Variants in SMARCAD1 observed in about 807,000 individuals in gnomAD.
SMARCAD1 encodes SWI/SNF-related matrix-associated actin-dependent regulator of chromatin subfamily A containing DEAD/H box 1.
Under a neutral mutation model 127.1 loss-of-function variants are expected in SMARCAD1, and 25 were observed. That is an observed-to-expected ratio of 0.20 (90% CI 0.14 to 0.27). The LOEUF (loss-of-function observed/expected upper bound fraction) is 0.27. Among genes scored for constraint, SMARCAD1 ranks in the 10% least tolerant of loss-of-function variants. The probability of loss-of-function intolerance (pLI) is 1.00; values close to 1 mark genes in which losing one functional copy is unlikely to be tolerated. For synonymous variants in SMARCAD1, 400 were observed against 396.9 expected (o/e 1.01, Z -0.09); for missense variants, 807 against 1,206.0 (o/e 0.67, Z 4.90).
intron 3 of SMARCAD1, 101 bp downstream of exon 3, chr4:94,226,397 T>TC: frequency 2.7e-6 from 2 of 738,682 alleles, no homozygotes; most frequent in Non-Finnish European, 4.0e-6. Context: ...CCTTTTTTTT[T>TC]TTTTCTTTTT....
intron 9 of SMARCAD1, among the ~76,000 whole-genome samples, chr4:94,262,903 AAAAAG>A (rs1751218971): frequency 1.0e-5 from 1 of 95,802 alleles, no homozygotes; most frequent in African/African-American, 4.1e-5. Context: ...AAAAAAAAAA[AAAAAG>A]AAAGAAAAGA....
intron 9 of SMARCAD1, among the ~76,000 whole-genome samples, chr4:94,261,903 A>G (rs1448886447): frequency 6.6e-6 from 1 of 151,922 alleles, no homozygotes; most frequent in Admixed American, 6.6e-5. Flanking sequence ...AGCCACCACA[A>G]CCGGCCAGTT....
chr4:94,226,377 T>C, intron 3 of SMARCAD1, 81 bp downstream of exon 3: 7 of 1,198,136 alleles, frequency 5.8e-6, no homozygotes, highest in Non-Finnish European at 8.3e-6. Context: ...TGAGATATTT[T>C]GGTGACTTCC....
At chr4:94,250,540 G>T (rs1483365555) in intron 7 of SMARCAD1, among the ~76,000 whole-genome samples, 1 of 152,088 alleles carries the variant, frequency 6.6e-6, no homozygotes, top group Non-Finnish European at 1.5e-5. Context: ...GCAAAAAAAT[G>T]TCAAGTTTTC....
chr4:94,270,402 A>G (rs1019332423), intron 10 of SMARCAD1, among the ~76,000 whole-genome samples: 152 of 152,248 alleles, frequency 1.0e-3, no homozygotes, highest in African/African-American at 3.3e-3. Context: ...TCAATTTTCT[A>G]TTATAGATAC....
intron 3 of SMARCAD1, among the ~76,000 whole-genome samples, chr4:94,232,663 C>G (rs552682237): frequency 6.6e-6 from 1 of 152,120 alleles, no homozygotes; most frequent in African/African-American, 2.4e-5. Context: ...TTTTGAAATA[C>G]GTACACTGGC....
chr4:94,289,699 C>A lies in SMARCAD1; in HGVS notation c.*165C>A, dbSNP rs778002631. ...AACTTTTTGCCACTAACTGAATTCT[C>A]CAAATACTCACACGTGAAATTTCAA... On this transcript the variant is annotated 3_prime_UTR_variant, in exon 24 of 24. Coordinates refer to ENST00000354268, the MANE Select transcript of SMARCAD1 (RefSeq NM_020159.5). 7 of 731,556 alleles carry A rather than the reference C, an allele frequency of 9.6e-6. No homozygotes were observed. The highest frequency in any genetic ancestry group is 1.8e-5 in the Non-Finnish European group (7 of 398,842). The allele number at this position is 731,556 out of a possible 1,614,324, so 45.3% of individuals were successfully genotyped here. A position where few individuals can be genotyped will look rare whatever the true frequency, so the allele number is the denominator to read the frequency against.
Position 94,283,247 on chromosome 4 carries a change from T to C in SMARCAD1, c.2853T>C (p.Cys951=). The part of the protein sequence containing the change: ...ANVVILHDID[C]NPYNDKQAED... ...TTGTTATACTTCACGATATTGACTG[T>C]AATCCTTATAATGACAAACAAGCAG... Residue 951 remains cysteine, a synonymous_variant, in exon 22 of 24, where the codon TGT becomes TGC. Coordinates refer to ENST00000354268, the MANE Select transcript of SMARCAD1 (RefSeq NM_020159.5). 1.2e-6 allele frequency: 2 copies of C among 1,613,612 alleles called. No homozygotes were observed. The highest frequency in any genetic ancestry group is 2.2e-5 in the South Asian group (2 of 91,072).
At chr4:94,270,852 A>C (rs1438465285) in intron 11 of SMARCAD1, 34 bp downstream of exon 11, 18 of 1,586,606 alleles carry the variant, frequency 1.1e-5, no homozygotes, top group African/African-American at 1.3e-5. Flanking sequence ...TTTGTTGTTG[A>C]AAGTGTCATT....
At chr4:94,278,800 CATATA>C (rs1238840774) in intron 18 of SMARCAD1, 67 bp downstream of exon 18, 3 of 1,596,520 alleles carry the variant, frequency 1.9e-6, no homozygotes, top group Admixed American at 3.3e-5. Context: ...TTTGTTTAGT[CATATA>C]ATGGGATTTG....
rs371817279 is a variant in SMARCAD1, at chr4:94,291,181, GTTA to G, written c.*1650_*1652del. Reference sequence around the variant, plus strand: ...ATGATAGGCTGTTTCTTTTTTTGTTGTTATTGTTGTTGTTGTTATATCCATACT... The same window carrying G: ...ATGATAGGCTGTTTCTTTTTTTGTTGTTGTTGTTGTTGTTATATCCATACT... On this transcript the variant is annotated 3_prime_UTR_variant, in exon 24 of 24. Coordinates refer to ENST00000354268, the MANE Select transcript of SMARCAD1 (RefSeq NM_020159.5). 3,801 of 453,174 alleles carry G rather than the reference GTTA, an allele frequency of 8.4e-3. 173 individuals are homozygous for G. The highest frequency in any genetic ancestry group is 0.08 in the Admixed American group (3,403 of 42,412). 28.1% of individuals were successfully genotyped at this position (453,174 alleles called of 1,614,324 possible).
chr4:94,209,460 T>C (rs1421842585), intron 2 of SMARCAD1, among the ~76,000 whole-genome samples: 2 of 152,218 alleles, frequency 1.3e-5, no homozygotes. Context: ...TGTTGGAAGT[T>C]ATATTTTAAT....
At chr4:94,217,767 A>T (rs1017290145) in intron 2 of SMARCAD1, among the ~76,000 whole-genome samples, 1 of 152,216 alleles carries the variant, frequency 6.6e-6, no homozygotes, top group African/African-American at 2.4e-5. Context: ...TTGTTTTTCA[A>T]ACTGGATCAT....
At chr4:94,215,999 C>G (rs1560510820) in intron 2 of SMARCAD1, among the ~76,000 whole-genome samples, 1 of 152,116 alleles carries the variant, frequency 6.6e-6, no homozygotes, top group African/African-American at 2.4e-5. Flanking sequence ...AACCGGGTAG[C>G]TTATAAGCAA....
chr4:94,278,576 T>G (rs1423915392), intron 17 of SMARCAD1, 40 bp from the exon 18 acceptor site: 3 of 1,611,632 alleles, frequency 1.9e-6, no homozygotes, highest in South Asian at 1.1e-5. Context: ...GTTTTTCTCT[T>G]TACTAGAATG....
chr4:94,277,113 TTAG>T lies in SMARCAD1; in HGVS notation c.2043_2045del (p.Ser682del), dbSNP rs752684487. On this transcript the variant is annotated inframe_deletion, in exon 16 of 24. Transcript: ENST00000354268. ...TTGAATTTTGTTATGCCACACATGT[TTAG>T]TAGTAGCACCAGTGAAATACGAAGA... The T allele has an allele frequency of 6.2e-7, 1 of 1,614,110 alleles. No homozygotes were observed. The highest frequency in any genetic ancestry group is 8.5e-7 in the Non-Finnish European group (1 of 1,179,960).
intron 2 of SMARCAD1, among the ~76,000 whole-genome samples, chr4:94,214,475 G>A (rs975036605): frequency 1.3e-5 from 2 of 151,466 alleles, no homozygotes; most frequent in Admixed American, 1.3e-4. Context: ...CACCGTATTA[G>A]CCAGGATGGT....
chr4:94,226,295 G>C lies in SMARCAD1; in HGVS notation c.367G>C (p.Val123Leu), dbSNP rs183431978. The change falls in exon 3 of 24, where the codon GTT becomes CTT. Residue 123 changes from valine to leucine, a missense_variant and splice_region_variant. By Grantham distance (32) the Val-to-Leu change is conservative. Transcript: ENST00000354268. ...ATTCAACAAAGATACAGTGATTATA[G>C]TGTAAGCTGATTAATAGATATATTG... ...KTFNKDTVIIVSEPSEDEESQ... is the reference protein window; with the variant it reads ...KTFNKDTVIILSEPSEDEESQ... 6.2e-7 allele frequency: 1 copy of C among 1,608,894 alleles called. No homozygotes were observed. The highest frequency in any genetic ancestry group is 2.2e-5 in the East Asian group (1 of 44,688).
chr4:94,237,398 T>G (rs1337625329), intron 5 of SMARCAD1, among the ~76,000 whole-genome samples: 1 of 151,984 alleles, frequency 6.6e-6, no homozygotes. Context: ...TTTCAGGGGC[T>G]TGGGATACAA....
Sources: gnomAD v4.1 joint callset for allele counts (sites outside exome capture counted in the v4.1 genomes callset) on GRCh38, gnomAD v4.1.1 for gene constraint, MANE v1.5 for transcripts, NCBI Gene and HGNC (gene_info 2026-07-23, HGNC 2026-07-21) for gene names.